FBLN2: variants seen among roughly 807,000 people sequenced by gnomAD.
FBLN2 encodes the protein fibulin-2.
Under a neutral mutation model 123.7 loss-of-function variants are expected in FBLN2, and 81 were observed. That is an observed-to-expected ratio of 0.65 (90% CI 0.55 to 0.79). The LOEUF (loss-of-function observed/expected upper bound fraction) is 0.79. Among genes scored for constraint, FBLN2 ranks in the 30% least tolerant of loss-of-function variants. The pLI is 0.00. For synonymous variants in FBLN2, 699 were observed against 701.4 expected (o/e 1.00, Z 0.05); for missense variants, 1,603 against 1,681.3 (o/e 0.95, Z 0.81).
Position 13,626,432 on chromosome 3 carries a change from G to C in FBLN2, c.2297-13G>C. On this transcript the variant is annotated splice_polypyrimidine_tract_variant and intron_variant, in intron 9 of 17. Coordinates refer to ENST00000404922, the MANE Select transcript of FBLN2 (RefSeq NM_001004019.2). ...GGACTCTGCAGCCTCTGATGGCCTCGCTCTCCCTGCAGACATCAACGAGTG... is the reference window on the plus strand; with the variant it reads ...GGACTCTGCAGCCTCTGATGGCCTCCCTCTCCCTGCAGACATCAACGAGTG... 6.4e-7 allele frequency: 1 copy of C among 1,562,858 alleles called. No individual in the cohort carries two copies. The highest frequency in any genetic ancestry group is 1.7e-4 in the Middle Eastern group (1 of 5,966).
At position 13,638,191 on chromosome 3, in the gene FBLN2, G is replaced by A. The variant is rs1706548297; in HGVS notation, c.*272G>A. ...TGGGTGAGGCTGGGTGATGACCTGA[G>A]GACCAGAGACACGCGACCATGTTGG... On this transcript the variant is annotated 3_prime_UTR_variant, in exon 18 of 18. Transcript: ENST00000404922. 2 of 631,456 alleles carry A rather than the reference G, an allele frequency of 3.2e-6. No homozygotes were observed. Among genetic ancestry groups the A allele is most frequent in the Non-Finnish European group, 5.7e-6 (2 of 350,272 alleles). The allele number at this position is 631,456 out of a possible 1,614,324, so 39.1% of individuals were successfully genotyped here.
intron 2 of FBLN2, among the ~76,000 whole-genome samples, chr3:13,603,137 T>A (rs1011774070): frequency 1.3e-5 from 2 of 151,988 alleles, no homozygotes; most frequent in Admixed American, 1.3e-4. Context: ...GGTCTTGAAC[T>A]CCTGACCTCG....
intron 1 of FBLN2, among the ~76,000 whole-genome samples, chr3:13,554,039 C>T (rs1703399503): frequency 6.6e-6 from 1 of 152,246 alleles, no homozygotes; most frequent in Admixed American, 6.5e-5. Flanking sequence ...GGGCCTGAGC[C>T]CCCGGAGCCT....
intron 2 of FBLN2, among the ~76,000 whole-genome samples, chr3:13,600,363 G>A (rs543621715): frequency 2.6e-5 from 4 of 152,184 alleles, no homozygotes; most frequent in Admixed American, 1.3e-4. Context: ...AGCTTTGTTT[G>A]AGAAGGAAGG....
intron 2 of FBLN2, among the ~76,000 whole-genome samples, chr3:13,595,233 A>C (rs1704803325): frequency 6.6e-6 from 1 of 152,234 alleles, no homozygotes; most frequent in South Asian, 2.1e-4. Context: ...ACAGAGGAGA[A>C]GGTGATGTGA....
At chr3:13,562,713 C>T (rs1703646905) in intron 1 of FBLN2, among the ~76,000 whole-genome samples, 1 of 152,186 alleles carries the variant, frequency 6.6e-6, no homozygotes, top group Non-Finnish European at 1.5e-5. Flanking sequence ...CGTTGTGCAG[C>T]CGTTACCACT....
At chr3:13,586,082 G>C (rs938925176) in intron 2 of FBLN2, among the ~76,000 whole-genome samples, 2 of 152,194 alleles carry the variant, frequency 1.3e-5, no homozygotes, top group Non-Finnish European at 2.9e-5. Context: ...CCCTTAAGAC[G>C]TCCCAGCGGG....
Position 13,633,429 on chromosome 3 carries a change from C to T in FBLN2, c.3214+1972C>T, listed in dbSNP as rs1395622984. 4.6e-5 allele frequency among the ~76,000 whole-genome samples: 7 copies of T among 152,406 alleles called. No individual in the cohort carries two copies. The South Asian group carries it at 1.2e-3, about 27-fold the overall frequency. Reference sequence around the variant, plus strand: ...CCCACACCTGCACATCTGCCGCCCTCGCTTGCTCTCCAGACCTTCCTTCTG... The same window carrying T: ...CCCACACCTGCACATCTGCCGCCCTTGCTTGCTCTCCAGACCTTCCTTCTG... On this transcript the variant is annotated intron_variant, in intron 16 of 17. Transcript: ENST00000404922.
In FBLN2 at chr3:13,570,813, A is replaced by G. The variant is rs1016686287; in HGVS notation, c.458A>G (p.His153Arg). 2 of 1,595,416 alleles carry G rather than the reference A, an allele frequency of 1.3e-6. No individual in the cohort carries two copies. Among genetic ancestry groups the G allele is most frequent in the African/African-American group, 2.7e-5 (2 of 74,454 alleles). The stretch of plus-strand genomic sequence containing the variant: ...AAGTACGCCGCTGGCCACACTGTTC[A>G]CCTGCCGCCCTGCCGGGCCTGCCAC... ...GHKYAAGHTV[H>R]LPPCRACHCP... Residue 153 changes from histidine (H) to arginine (R), a missense_variant, in exon 2 of 18, where the codon CAC (histidine) becomes CGC (arginine). Coordinates refer to ENST00000404922, the MANE Select transcript of FBLN2 (RefSeq NM_001004019.2).
chr3:13,606,989 T>C (rs1705227287), intron 2 of FBLN2, among the ~76,000 whole-genome samples: 1 of 149,880 alleles, frequency 6.7e-6, no homozygotes, highest in South Asian at 2.1e-4. Context: ...TGTTGTTTGT[T>C]TGTTTGTTTT....
At chr3:13,568,965 G>A in intron 1 of FBLN2, 1 of 985,620 alleles carries the variant, frequency 1.0e-6, no homozygotes, top group East Asian at 1.1e-4. Context: ...CCACTGCTGT[G>A]GTAACGAGTC....
chr3:13,638,146 C>T lies in FBLN2; in HGVS notation c.*227C>T, dbSNP rs1706545582. 1 of 645,380 alleles carries T rather than the reference C, an allele frequency of 1.5e-6. No individual in the cohort carries two copies. Among genetic ancestry groups the T allele is most frequent in the South Asian group, 1.7e-5 (1 of 60,188 alleles). 40.0% of individuals were successfully genotyped at this position (645,380 alleles called of 1,614,324 possible). A position where few individuals can be genotyped will look rare whatever the true frequency, so the allele number is the denominator to read the frequency against. On this transcript the variant is annotated 3_prime_UTR_variant, in exon 18 of 18. Coordinates refer to ENST00000404922, the MANE Select transcript of FBLN2 (RefSeq NM_001004019.2). ...AAGTGGAAGCTTGCACGGTGGGCCA[C>T]GGCCGTGGCGGGTGCCCTGTGGGTG... is the stretch of plus-strand genomic sequence containing the variant.
chr3:13,604,670 C>A (rs1210107373), intron 2 of FBLN2, among the ~76,000 whole-genome samples: 1 of 152,152 alleles, frequency 6.6e-6, no homozygotes, highest in African/African-American at 2.4e-5. Flanking sequence ...TTTAATAATT[C>A]AGTGGGGGAT....
intron 1 of FBLN2, among the ~76,000 whole-genome samples, chr3:13,568,565 C>T (rs1703818901): frequency 6.6e-6 from 1 of 152,244 alleles, no homozygotes; most frequent in Non-Finnish European, 1.5e-5. Flanking sequence ...CACCCGTGTG[C>T]TGATGTGGCT....
chr3:13,622,859 G>A (rs1004258955), intron 9 of FBLN2, among the ~76,000 whole-genome samples: 10 of 152,368 alleles, frequency 6.6e-5, no homozygotes, highest in Non-Finnish European at 8.8e-5. Context: ...ACAGAGACAC[G>A]CGCAGAGGGC....
In FBLN2 at chr3:13,636,579, C is replaced by G. The variant is rs764423395; in HGVS notation, c.3338+11C>G. 1 of 1,612,104 alleles carries G rather than the reference C, an allele frequency of 6.2e-7. No homozygotes were observed. ...CCAAGTCTCCAAAACGTGAGTGTCC[C>G]CACCCCAGTCCCAGTCCCAGGGAGC... On this transcript the variant is annotated intron_variant, in intron 17 of 17. Transcript: ENST00000404922.
chr3:13,579,055 C>CA (rs1465340005), intron 2 of FBLN2, among the ~76,000 whole-genome samples: 3 of 151,670 alleles, frequency 2.0e-5, no homozygotes, highest in South Asian at 2.1e-4. Flanking sequence ...AACTCCGTCT[C>CA]AAAAAAAAGA....
rs147256601 is a variant in FBLN2, at chr3:13,581,644, CAG to C, written c.1306+9986_1306+9987del. Among the ~76,000 whole-genome samples, 949 of 152,286 alleles carry C rather than the reference CAG, an allele frequency of 6.2e-3. 8 individuals are homozygous for C. Among genetic ancestry groups the C allele is most frequent in the African/African-American group, 0.02 (847 of 41,548 alleles). ...AGGCTCCTGGCCACGAGAGTCACTG[CAG>C]AGTCCTGCTGCCATGGTGGGGATTA... On this transcript the variant is annotated intron_variant, in intron 2 of 17. Coordinates refer to ENST00000404922, the MANE Select transcript of FBLN2 (RefSeq NM_001004019.2).
chr3:13,565,468 TAC>T (rs1279888396), intron 1 of FBLN2, among the ~76,000 whole-genome samples: 2 of 152,308 alleles, frequency 1.3e-5, no homozygotes, highest in East Asian at 3.9e-4. Flanking sequence ...GGCCGCCAAA[TAC>T]AGAGGAATGG....
Sources: gnomAD v4.1 joint callset for allele counts (sites outside exome capture counted in the v4.1 genomes callset) on GRCh38, gnomAD v4.1.1 for gene constraint, MANE v1.5 for transcripts, NCBI Gene and HGNC (gene_info 2026-07-23, HGNC 2026-07-21) for gene names.